The following CILP variants were observed in gnomAD, a reference collection of about 807,000 sequenced individuals.
CILP encodes the protein cartilage intermediate layer protein 1.
In CILP, 75 loss-of-function variants were observed where a neutral mutation model predicts 82.5. The observed-to-expected ratio is 0.91, with a 90% CI of 0.75 to 1.10. The LOEUF (loss-of-function observed/expected upper bound fraction) is 1.10. Among genes scored for constraint, CILP ranks in the 50% least tolerant of loss-of-function variants. The pLI is 0.00. For synonymous variants in CILP, 530 were observed against 580.3 expected, an observed-to-expected ratio of 0.91 and a Z score of 1.25; for missense variants, 1,479 against 1,530.8, an observed-to-expected ratio of 0.97 and a Z score of 0.56.
Position 65,197,275 on chromosome 15 carries a change from G to T in CILP, c.3011C>A (p.Ala1004Asp), listed in dbSNP as rs1452426364. ...RDRDQPNVSAACLEFKCSGML... is the reference protein window; with the variant it reads ...RDRDQPNVSADCLEFKCSGML... Reference sequence around the variant, plus strand: ...CCCACTGCACTTGAACTCCAGACAGGCAGCTGAGACATTGGGCTGGTCCCT... The same window carrying T: ...CCCACTGCACTTGAACTCCAGACAGTCAGCTGAGACATTGGGCTGGTCCCT... The change falls in exon 9 of 9, where the codon GCC becomes GAC. Residue 1004 changes from alanine to aspartate, a missense_variant. Ala to Asp is a moderately radical substitution (Grantham distance 126, BLOSUM62 -2). Transcript: ENST00000261883. The T allele has an allele frequency of 6.2e-7, 1 of 1,614,066 alleles. No individual in the cohort carries two copies. The highest frequency in any genetic ancestry group is 1.1e-5 in the South Asian group (1 of 91,044).
At chr15:65,208,215 G>T (rs111999587) in intron 2 of CILP, among the ~76,000 whole-genome samples, 2 of 152,112 alleles carry the variant, frequency 1.3e-5, no homozygotes, top group Non-Finnish European at 2.9e-5. Context: ...TTCCCATCTC[G>T]CAGGGTGATT....
rs1447669827 is a variant in CILP, at chr15:65,194,862, C to A, written c.*1869G>T. 1 of 146,046 alleles carries A rather than the reference C, an allele frequency of 6.8e-6. No homozygotes were observed. The highest frequency in any genetic ancestry group is 2.5e-5 in the African/African-American group (1 of 39,384). The allele number at this position is 146,046 out of a possible 1,614,324, so 9.0% of individuals were successfully genotyped here. A position where few individuals can be genotyped will look rare whatever the true frequency, so the allele number is the denominator to read the frequency against. Reference sequence around the variant, plus strand: ...CCCACCTTCCCCAGCAACCCACCCCCCCCCGACCCTCCCCCTCCCCCCGTG... The same window carrying A: ...CCCACCTTCCCCAGCAACCCACCCCACCCCGACCCTCCCCCTCCCCCCGTG... On this transcript the variant is annotated 3_prime_UTR_variant, in exon 9 of 9. Coordinates refer to ENST00000261883, the MANE Select transcript of CILP (RefSeq NM_003613.4).
intron 8 of CILP, among the ~76,000 whole-genome samples, chr15:65,199,789 C>T (rs1595957240): frequency 6.6e-6 from 1 of 152,332 alleles, no homozygotes; most frequent in Non-Finnish European, 1.5e-5. Context: ...TGCCACTACC[C>T]TCCAGCCTGG....
rs1485332421 is a variant in CILP, at chr15:65,196,872, G to C, written c.3414C>G (p.Ala1138=). 1 of 1,613,802 alleles carries C rather than the reference G, an allele frequency of 6.2e-7. No individual in the cohort carries two copies. The highest frequency in any genetic ancestry group is 1.1e-5 in the South Asian group (1 of 91,000). The change falls in exon 9 of 9, where the codon GCC becomes GCG. Residue 1138 remains alanine, a synonymous_variant. Coordinates refer to ENST00000261883, the MANE Select transcript of CILP (RefSeq NM_003613.4). Reference sequence around the variant, plus strand: ...GGACAGTGCCTGCAGCAGGGGACTGGGCTGGGGTGCTTTGGAGGTACTGGA... The same window carrying C: ...GGACAGTGCCTGCAGCAGGGGACTGCGCTGGGGTGCTTTGGAGGTACTGGA... ...SAFQYLQSTP[A]QSPAAGTVQG... is the part of the protein sequence containing the mutation.
rs747192055 is a variant in CILP at position 65,197,707 on chromosome 15, C to T, written c.2579G>A (p.Arg860His). The T allele has an allele frequency of 2.5e-5, 41 of 1,613,052 alleles. No homozygotes were observed. Among genetic ancestry groups the T allele is most frequent in the Middle Eastern group, 1.6e-4 (1 of 6,084 alleles). ...CCGTGGATCCTCATGGTCCGTCCGA[C>T]GGTAGTTGAGCTTGTTGAGATAGGG... The part of the protein sequence containing the change: ...PQPYLNKLNY[R>H]RTDHEDPRVK... Residue 860 changes from arginine (R) to histidine (H), a missense_variant, in exon 9 of 9, where the codon CGT (arginine) becomes CAT (histidine). Arg to His is a conservative substitution (Grantham distance 29). Coordinates refer to ENST00000261883, the MANE Select transcript of CILP (RefSeq NM_003613.4).
chr15:65,200,601 C>T (rs542897657), intron 8 of CILP, among the ~76,000 whole-genome samples: 9 of 152,222 alleles, frequency 5.9e-5, no homozygotes, highest in African/African-American at 1.7e-4. Context: ...CTTGTAAAGC[C>T]CCCTCAGTTC....
rs2088410919 is a variant in CILP at position 65,198,637 on chromosome 15, T to C, written c.1649A>G (p.Asn550Ser). Residue 550 changes from asparagine (N) to serine (S), a missense_variant, in exon 9 of 9, where the codon AAC (asparagine) becomes AGC (serine). By Grantham distance (46) the Asn-to-Ser change is conservative. Transcript: ENST00000261883. The part of the protein sequence containing the change: ...TFVDRLQKFV[N>S]TTKVLPFNKK... The stretch of plus-strand genomic sequence containing the variant: ...GTTGAAAGGTAGCACTTTGGTGGTG[T>C]TGACAAACTTCTGCAGCCTGTCCAC... 6.8e-6 allele frequency: 11 copies of C among 1,614,122 alleles called. No individual in the cohort carries two copies. The highest frequency in any genetic ancestry group is 9.3e-6 in the Non-Finnish European group (11 of 1,180,048).
At chr15:65,210,706 G>A (rs2088576553) in intron 1 of CILP, among the ~76,000 whole-genome samples, 1 of 152,194 alleles carries the variant, frequency 6.6e-6, no homozygotes, top group South Asian at 2.1e-4. Flanking sequence ...TCCAGGGTGT[G>A]GTAGGAAAGG....
rs371148466 is a variant in CILP, at chr15:65,197,512, T to A, written c.2774A>T (p.Asn925Ile). Residue 925 changes from asparagine (N) to isoleucine (I), a missense_variant, in exon 9 of 9, where the codon AAC (asparagine) becomes ATC (isoleucine). Coordinates refer to ENST00000261883, the MANE Select transcript of CILP (RefSeq NM_003613.4). ...GTCATCTTCGTTGAAGGGGACTGTG[T>A]TGTAGTCATATCGATCCCCCTCAAT... ...YQIEGDRYDY[N>I]TVPFNEDDPM... is the part of the protein sequence containing the mutation. 8.1e-6 allele frequency: 13 copies of A among 1,614,070 alleles called. No homozygotes were observed. The African/African-American group carries it at 1.6e-4, about 20-fold the overall frequency.
At position 65,209,734 on chromosome 15, in the gene CILP, C is replaced by G. The variant is rs147074739; in HGVS notation, c.22G>C (p.Val8Leu). 6.2e-7 allele frequency: 1 copy of G among 1,614,084 alleles called. No individual in the cohort carries two copies. The highest frequency in any genetic ancestry group is 8.5e-7 in the Non-Finnish European group (1 of 1,180,004). ...ACTTCCAGGACCAGGAAGGAGAACA[C>G]CCAGGCCTTGGTCCCCACCATCTTT... MVGTKAW[V>L]FSFLVLEVTS... Residue 8 changes from valine (V) to leucine (L), a missense_variant, in exon 2 of 9, where the codon GTG (valine) becomes CTG (leucine). Coordinates refer to ENST00000261883, the MANE Select transcript of CILP (RefSeq NM_003613.4).
chr15:65,200,639 C>G (rs1016462799), intron 8 of CILP, among the ~76,000 whole-genome samples: 1 of 152,120 alleles, frequency 6.6e-6, no homozygotes, highest in African/African-American at 2.4e-5. Context: ...CCCATGCTGG[C>G]CCCTCAATCT....
At chr15:65,210,536 G>T (rs1355884953) in intron 1 of CILP, among the ~76,000 whole-genome samples, 1 of 152,228 alleles carries the variant, frequency 6.6e-6, no homozygotes, top group African/African-American at 2.4e-5. Context: ...CAAGGGTCAG[G>T]AGAGGAAAGC....
In CILP at chr15:65,205,383, C is replaced by A; in HGVS notation, c.508G>T (p.Val170Phe). ...KCSAACGQTG[V>F]QTRTRICLAE... ...AAGCAAATGCGTGTGCGAGTCTGGA[C>A]CCCAGTCTGACCACAGGCAGCTGAG... Residue 170 changes from valine to phenylalanine, a missense_variant, in exon 5 of 9, where the codon GTC (valine) becomes TTC (phenylalanine). Coordinates refer to ENST00000261883, the MANE Select transcript of CILP (RefSeq NM_003613.4). The A allele has an allele frequency of 6.2e-7, 1 of 1,614,072 alleles. No individual in the cohort carries two copies. The highest frequency in any genetic ancestry group is 8.5e-7 in the Non-Finnish European group (1 of 1,180,030).
chr15:65,201,793 A>T, intron 8 of CILP, 79 bp downstream of exon 8: 1 of 871,738 alleles, frequency 1.1e-6, no homozygotes, highest in Non-Finnish European at 1.6e-6. Context: ...CTTAGCTATT[A>T]CTGCATAGTT....
Position 65,203,261 on chromosome 15 carries a change from T to C in CILP, c.1028+101A>G. The C allele has an allele frequency of 5.0e-6, 4 of 794,866 alleles. No homozygotes were observed. The South Asian group carries it at 6.7e-5, about 13-fold the overall frequency. The allele number at this position is 794,866 out of a possible 1,614,324, so 49.2% of individuals were successfully genotyped here. A position where few individuals can be genotyped will look rare whatever the true frequency, so the allele number is the denominator to read the frequency against. Reference sequence around the variant, plus strand: ...TGTACCACTGTCTTACTTGTAACTTTATTCTGTTGGTTATTGTTCTTATTA... The same window carrying C: ...TGTACCACTGTCTTACTTGTAACTTCATTCTGTTGGTTATTGTTCTTATTA... On this transcript the variant is annotated intron_variant, in intron 7 of 8. Transcript: ENST00000261883.
rs1595955926 is a variant in CILP, at chr15:65,197,811, C to A, written c.2475G>T (p.Leu825Phe). The A allele has an allele frequency of 6.2e-7, 1 of 1,613,890 alleles. No homozygotes were observed. Among genetic ancestry groups the A allele is most frequent in the Non-Finnish European group, 8.5e-7 (1 of 1,180,020 alleles). ...GCAGTTCCTCCCCAGCCAGGCTTGC[C>A]AAGACATAGGCAGAGTAGGCATCAG... is the stretch of plus-strand genomic sequence containing the variant. ...QSPDAYSAYVLASLAGEELQA... is the reference protein window; with the variant it reads ...QSPDAYSAYVFASLAGEELQA... The change falls in exon 9 of 9, where the codon TTG becomes TTT. Residue 825 changes from leucine (L) to phenylalanine (F), a missense_variant. By Grantham distance (22) the Leu-to-Phe change is conservative (BLOSUM62 0). Transcript: ENST00000261883.
At chr15:65,204,147 G>C (rs1041866210) in intron 6 of CILP, 121 bp downstream of exon 6, 2 of 815,572 alleles carry the variant, frequency 2.5e-6, no homozygotes, top group Non-Finnish European at 3.9e-6. Flanking sequence ...TGCCATGTGG[G>C]CCATGGTAAG....
At chr15:65,206,208 A>G (rs1225682838) in intron 4 of CILP, among the ~76,000 whole-genome samples, 1 of 152,216 alleles carries the variant, frequency 6.6e-6, no homozygotes, top group African/African-American at 2.4e-5. Flanking sequence ...ACTTGTCAAG[A>G]TGGAGATCTC....
In CILP at chr15:65,195,817, T is replaced by C. The variant is rs1419027912; in HGVS notation, c.*914A>G. 7.2e-5 allele frequency: 11 copies of C among 152,234 alleles called. No individual in the cohort carries two copies. Among genetic ancestry groups the C allele is most frequent in the African/African-American group, 2.4e-4 (10 of 41,450 alleles). 9.4% of individuals were successfully genotyped at this position (152,234 alleles called of 1,614,324 possible). On this transcript the variant is annotated 3_prime_UTR_variant, in exon 9 of 9. Coordinates refer to ENST00000261883, the MANE Select transcript of CILP (RefSeq NM_003613.4). Reference sequence around the variant, plus strand: ...CATGCTCACAACTCCAGGAATCTGCTCTTTTCTGCAAACGGAAAATGTGAT... The same window carrying C: ...CATGCTCACAACTCCAGGAATCTGCCCTTTTCTGCAAACGGAAAATGTGAT...
Sources: allele counts gnomAD v4.1 joint callset (sites outside exome capture counted in the v4.1 genomes callset), GRCh38; gene constraint gnomAD v4.1.1; transcripts MANE v1.5; gene names NCBI Gene and HGNC (gene_info 2026-07-23, HGNC 2026-07-21).